The following ADAMTS20 variants were observed in gnomAD, a reference collection of about 807,000 sequenced individuals.
ADAMTS20 encodes ADAM metallopeptidase with thrombospondin type 1 motif 20.
A neutral mutation model predicts 260.1 loss-of-function variants in ADAMTS20; 225 were observed. The observed-to-expected ratio is 0.87, with a 90% CI of 0.78 to 0.97. The LOEUF (loss-of-function observed/expected upper bound fraction) is 0.97, where lower values mean the gene tolerates loss of function less well. Among genes scored for constraint, ADAMTS20 ranks in the 50% least tolerant of loss-of-function variants. ADAMTS20 has a pLI of 0.00. For missense variants in ADAMTS20, 2,400 were observed against 2,337.7 expected (o/e 1.03, Z -0.55); for synonymous variants, 802 against 769.5 (o/e 1.04, Z -0.70).
chr12:43,419,091 G>A (rs545204754), intron 28 of ADAMTS20, among the ~76,000 whole-genome samples: 1 of 152,198 alleles, frequency 6.6e-6, no homozygotes, highest in South Asian at 2.1e-4. Flanking sequence ...ACAGTTGTGA[G>A]AGAAAAGTTA....
At chr12:43,413,859 C>T (rs1354687957) in intron 28 of ADAMTS20, among the ~76,000 whole-genome samples, 1 of 152,084 alleles carries the variant, frequency 6.6e-6, no homozygotes, top group Non-Finnish European at 1.5e-5. Context: ...GGAATCTTTC[C>T]CATCCCATAT....
At chr12:43,400,096 G>T (rs1360849136) in intron 28 of ADAMTS20, among the ~76,000 whole-genome samples, 1 of 151,954 alleles carries the variant, frequency 6.6e-6, no homozygotes, top group African/African-American at 2.4e-5. Context: ...GTCTAACCCA[G>T]TCCTACTACA....
chr12:43,440,081 T>TA lies in ADAMTS20; in HGVS notation c.2291-13dup. ...AGCGTCAGATAATGCTGTAAAAGAA[T>TA]AAAGCATAACTCATGAAATAGTAAC... On this transcript the variant is annotated splice_polypyrimidine_tract_variant and intron_variant, in intron 16 of 38. Transcript: ENST00000389420. The TA allele has an allele frequency of 1.3e-6, 2 of 1,537,284 alleles. No individual in the cohort carries two copies. The highest frequency in any genetic ancestry group is 1.8e-6 in the Non-Finnish European group (2 of 1,141,954).
At chr12:43,486,301 A>T (rs1942522054) in intron 7 of ADAMTS20, among the ~76,000 whole-genome samples, 1 of 152,186 alleles carries the variant, frequency 6.6e-6, no homozygotes, top group Non-Finnish European at 1.5e-5. Context: ...GATTTTTGAC[A>T]AAGCATACAA....
At chr12:43,526,369 A>T (rs751825652) in intron 3 of ADAMTS20, among the ~76,000 whole-genome samples, 22 of 152,242 alleles carry the variant, frequency 1.4e-4, no homozygotes, top group Middle Eastern at 3.4e-3. Flanking sequence ...GAGGCAGGAG[A>T]ATGGTGTGAA....
chr12:43,436,888 A>T (rs1941566581), intron 18 of ADAMTS20, among the ~76,000 whole-genome samples: 1 of 152,200 alleles, frequency 6.6e-6, no homozygotes, highest in African/African-American at 2.4e-5. Flanking sequence ...AAAAAGATCA[A>T]CTGACAATAA....
At position 43,439,985 on chromosome 12, in the gene ADAMTS20, G is replaced by C; in HGVS notation, c.2375C>G (p.Thr792Arg). The C allele has an allele frequency of 6.3e-7, 1 of 1,592,920 alleles. No homozygotes were observed. Among genetic ancestry groups the C allele is most frequent in the South Asian group, 1.1e-5 (1 of 88,766 alleles). Reference sequence around the variant, plus strand: ...TCCACTGTATTCAATAACAGTTCTTGTTCCTTGCACATTGATTTCTTTTTT... The same window carrying C: ...TCCACTGTATTCAATAACAGTTCTTCTTCCTTGCACATTGATTTCTTTTTT... ...TSKKEINVQGTRTVIEYSGSN... is the reference protein window; with the variant it reads ...TSKKEINVQGRRTVIEYSGSN... Residue 792 changes from threonine to arginine, a missense_variant, in exon 17 of 39, where the codon ACA (threonine) becomes AGA (arginine). Coordinates refer to ENST00000389420, the MANE Select transcript of ADAMTS20 (RefSeq NM_025003.5).
intron 28 of ADAMTS20, among the ~76,000 whole-genome samples, chr12:43,412,338 G>T (rs1278712504): frequency 1.3e-5 from 2 of 152,092 alleles, no homozygotes; most frequent in African/African-American, 4.8e-5. Context: ...TTATTTAAAG[G>T]GTGAAGTTTT....
Position 43,466,766 on chromosome 12 carries a change from C to A in ADAMTS20, c.1253G>T (p.Arg418Ile), listed in dbSNP as rs924089361. The A allele has an allele frequency of 3.7e-6, 6 of 1,604,752 alleles. No homozygotes were observed. The highest frequency in any genetic ancestry group is 5.1e-6 in the Non-Finnish European group (6 of 1,174,534). ...CTTTGTAACTTTCATTTCTTTACAT[C>A]TAGGATTATCATCATGTTGAACACC... is the stretch of plus-strand genomic sequence containing the variant. ...TLGVQHDDNP[R>I]CKEMKVTKYH... The change falls in exon 9 of 39, where the codon AGA becomes ATA. Residue 418 changes from arginine (R) to isoleucine (I), a missense_variant. By Grantham distance (97) the Arg-to-Ile change is moderately conservative (BLOSUM62 -3). Coordinates refer to ENST00000389420, the MANE Select transcript of ADAMTS20 (RefSeq NM_025003.5).
Position 43,454,064 on chromosome 12 carries a change from A to G in ADAMTS20, c.1615-12T>C. 1 of 1,607,710 alleles carries G rather than the reference A, an allele frequency of 6.2e-7. No individual in the cohort carries two copies. Among genetic ancestry groups the G allele is most frequent in the East Asian group, 2.2e-5 (1 of 44,818 alleles). On this transcript the variant is annotated splice_polypyrimidine_tract_variant and intron_variant, in intron 11 of 38. Coordinates refer to ENST00000389420, the MANE Select transcript of ADAMTS20 (RefSeq NM_025003.5). ...CCATGACGGCAATGCTATAAAAATA[A>G]TAAGCACAAAAAGAAATGATGTGTG...
chr12:43,545,728 T>C (rs1363737587), intron 2 of ADAMTS20, among the ~76,000 whole-genome samples: 1 of 152,178 alleles, frequency 6.6e-6, no homozygotes, highest in Non-Finnish European at 1.5e-5. Context: ...CAACCTTGCT[T>C]GGACTGCCCA....
chr12:43,366,099 A>G (rs1025285655), intron 37 of ADAMTS20, among the ~76,000 whole-genome samples: 12 of 151,918 alleles, frequency 7.9e-5, no homozygotes, highest in African/African-American at 2.7e-4. Flanking sequence ...ATACTCTATA[A>G]GAGACATTCT....
intron 28 of ADAMTS20, among the ~76,000 whole-genome samples, chr12:43,407,718 C>T (rs936528635): frequency 6.6e-6 from 1 of 151,944 alleles, no homozygotes; most frequent in African/African-American, 2.4e-5. Context: ...TAATTTTCTT[C>T]AATAATAAGT....
At chr12:43,527,639 T>G (rs11503831) in intron 3 of ADAMTS20, among the ~76,000 whole-genome samples, 1 of 151,744 alleles carries the variant, frequency 6.6e-6, no homozygotes, top group African/African-American at 2.4e-5. Context: ...ATCCAGCATC[T>G]CTTTATGCTA....
rs146873696 is a variant in ADAMTS20, at chr12:43,409,270, G to C, written c.4285-10037C>G. 8.6e-3 allele frequency among the ~76,000 whole-genome samples: 1,300 copies of C among 151,872 alleles called. 14 individuals are homozygous for C. Among genetic ancestry groups the C allele is most frequent in the Non-Finnish European group, 0.014 (931 of 67,952 alleles). Reference sequence around the variant, plus strand: ...AAATATTGATAAAGTTTCCCATCAAGTAAAATCAAAAGACAGAAGTAGAAA... The same window carrying C: ...AAATATTGATAAAGTTTCCCATCAACTAAAATCAAAAGACAGAAGTAGAAA... On this transcript the variant is annotated intron_variant, in intron 28 of 38. Coordinates refer to ENST00000389420, the MANE Select transcript of ADAMTS20 (RefSeq NM_025003.5).
intron 2 of ADAMTS20, among the ~76,000 whole-genome samples, chr12:43,539,698 T>C (rs1185199180): frequency 6.6e-6 from 1 of 152,128 alleles, no homozygotes; most frequent in East Asian, 1.9e-4. Flanking sequence ...AGTACATGGA[T>C]CCATGGAAAA....
At chr12:43,538,078 T>C (rs1943322289) in intron 2 of ADAMTS20, among the ~76,000 whole-genome samples, 1 of 152,236 alleles carries the variant, frequency 6.6e-6, no homozygotes, top group African/African-American at 2.4e-5. Context: ...CTTTTAGTTT[T>C]CTGAGGACCC....
intron 16 of ADAMTS20, among the ~76,000 whole-genome samples, chr12:43,441,231 C>T (rs923171148): frequency 5.9e-5 from 9 of 151,980 alleles, no homozygotes; most frequent in Admixed American, 3.9e-4. Context: ...CTATTTCCTT[C>T]TCTGTTCATG....
At chr12:43,526,757 C>A (rs181734603) in intron 3 of ADAMTS20, among the ~76,000 whole-genome samples, 2 of 152,000 alleles carry the variant, frequency 1.3e-5, no homozygotes, top group East Asian at 3.9e-4. Context: ...AGTTAACAAT[C>A]TAATATACAC....
Sources: gnomAD v4.1 joint callset for allele counts (sites outside exome capture counted in the v4.1 genomes callset) on GRCh38, gnomAD v4.1.1 for gene constraint, MANE v1.5 for transcripts, NCBI Gene and HGNC (gene_info 2026-07-23, HGNC 2026-07-21) for gene names.